Variants in ATG10 observed in about 807,000 individuals in gnomAD.
ATG10 encodes autophagy related 10.
In ATG10, 30 loss-of-function variants were observed where a neutral mutation model predicts 32.1. The observed-to-expected ratio is 0.94, with a 90% CI of 0.70 to 1.27. The LOEUF (loss-of-function observed/expected upper bound fraction) is 1.27. Ranked by LOEUF, ATG10 falls within the 50% of genes most tolerant of loss-of-function variation. The pLI is 0.00. For missense variants in ATG10, 233 were observed against 262.3 expected, an observed-to-expected ratio of 0.89 and a Z score of 0.77; for synonymous variants, 87 against 91.5, an observed-to-expected ratio of 0.95 and a Z score of 0.28.
At chr5:82,069,517 T>C (rs1764054344) in intron 3 of ATG10, among the ~76,000 whole-genome samples, 2 of 152,290 alleles carry the variant, frequency 1.3e-5, no homozygotes, top group South Asian at 4.1e-4. Context: ...TTCTGAACCC[T>C]GTGACTGGAC....
chr5:82,155,313 A>G (rs553008530), intron 3 of ATG10, among the ~76,000 whole-genome samples: 4 of 152,360 alleles, frequency 2.6e-5, no homozygotes, highest in Admixed American at 1.3e-4. Flanking sequence ...GAAAGGGGAA[A>G]GAGTTCACCA....
chr5:82,088,711 A>C (rs1764773980), intron 3 of ATG10, among the ~76,000 whole-genome samples: 1 of 152,206 alleles, frequency 6.6e-6, no homozygotes, highest in South Asian at 2.1e-4. Flanking sequence ...CACAATGTGT[A>C]AGTACTATTC....
At chr5:82,100,772 GTTTTTTTT>G (rs61096885) in intron 3 of ATG10, among the ~76,000 whole-genome samples, 2 of 113,990 alleles carry the variant, frequency 1.8e-5, no homozygotes, top group East Asian at 2.5e-4. Flanking sequence ...ACAAGAACTA[GTTTTTTTT>G]TTTTTTTTTT....
intron 2 of ATG10, among the ~76,000 whole-genome samples, chr5:82,040,093 C>G (rs1305693374): frequency 6.6e-6 from 1 of 152,168 alleles, no homozygotes; most frequent in East Asian, 1.9e-4. Context: ...CCAGAAACAT[C>G]TGGTCCTCTT....
At chr5:81,999,143 C>CAA (rs370637760) in intron 2 of ATG10, among the ~76,000 whole-genome samples, 80 of 116,552 alleles carry the variant, frequency 6.9e-4, no homozygotes, top group African/African-American at 2.3e-3. Context: ...AATCCTCAGC[C>CAA]AAAAAAAAAA....
At position 82,255,040 on chromosome 5, in the gene ATG10, A is replaced by G. The variant is rs1239594047; in HGVS notation, c.*977A>G. 2 of 152,110 alleles carry G rather than the reference A, an allele frequency of 1.3e-5. No individual in the cohort carries two copies. Among genetic ancestry groups the G allele is most frequent in the African/African-American group, 4.8e-5 (2 of 41,422 alleles). The allele number at this position is 152,110 out of a possible 1,614,324, so 9.4% of individuals were successfully genotyped here. A position where few individuals can be genotyped will look rare whatever the true frequency, so the allele number is the denominator to read the frequency against. On this transcript the variant is annotated 3_prime_UTR_variant, in exon 8 of 8. Transcript: ENST00000282185. Reference sequence around the variant, plus strand: ...GTAATTAGAAGTTTTCTAAAAAGCTATAGGAGATATTTAAACATTAAAATT... The same window carrying G: ...GTAATTAGAAGTTTTCTAAAAAGCTGTAGGAGATATTTAAACATTAAAATT...
intron 3 of ATG10, among the ~76,000 whole-genome samples, chr5:82,074,934 A>G (rs1188256554): frequency 1.3e-5 from 2 of 152,190 alleles, no homozygotes; most frequent in African/African-American, 2.4e-5. Context: ...AAGGGTTTCA[A>G]TGTAAATTGA....
chr5:82,139,747 G>A (rs1352939306), intron 3 of ATG10, among the ~76,000 whole-genome samples: 30 of 128,774 alleles, frequency 2.3e-4, no homozygotes, highest in African/African-American at 6.6e-4. Context: ...CAGCCGCCCC[G>A]TCCGGGAGGC....
intron 5 of ATG10, among the ~76,000 whole-genome samples, chr5:82,230,424 A>G (rs1342665127): frequency 1.3e-5 from 2 of 152,204 alleles, no homozygotes; most frequent in African/African-American, 4.8e-5. Context: ...TATATAGTAT[A>G]TATGCATAAT....
chr5:81,973,387 C>T (rs899419465), intron 1 of ATG10: 1 of 152,222 alleles, frequency 6.6e-6, no homozygotes, highest in African/African-American at 2.4e-5. Flanking sequence ...CTCGGCCTCC[C>T]AAAGTACTGG....
intron 3 of ATG10, chr5:82,147,040 A>G (rs1192545101): frequency 1.3e-5 from 2 of 152,596 alleles, no homozygotes; most frequent in African/African-American, 4.8e-5. Flanking sequence ...AGATTTCATT[A>G]CATTCTTCTG....
At chr5:82,051,076 T>A (rs552920807) in intron 2 of ATG10, among the ~76,000 whole-genome samples, 1 of 152,240 alleles carries the variant, frequency 6.6e-6, no homozygotes, top group Non-Finnish European at 1.5e-5. Flanking sequence ...AAAGCTCTTT[T>A]AAACTGTGCA....
At position 82,223,945 on chromosome 5, in the gene ATG10, G is replaced by A. The variant is rs147035903; in HGVS notation, c.454-28617G>A. Among the ~76,000 whole-genome samples the A allele has an allele frequency of 2.0e-5, 3 of 152,270 alleles. No individual in the cohort carries two copies. In the East Asian group the frequency reaches 5.8e-4, roughly 29 times the overall value. On this transcript the variant is annotated intron_variant, in intron 5 of 7. Coordinates refer to ENST00000282185, the MANE Select transcript of ATG10 (RefSeq NM_031482.5). ...GAGGTGAGGAAACACTAGTCATCCTGTGACTAGAGAGCAAACCAGAACAAG... is the reference window on the plus strand; with the variant it reads ...GAGGTGAGGAAACACTAGTCATCCTATGACTAGAGAGCAAACCAGAACAAG...
At chr5:82,103,219 ATGTTT>A (rs1765336570) in intron 3 of ATG10, among the ~76,000 whole-genome samples, 1 of 152,186 alleles carries the variant, frequency 6.6e-6, no homozygotes, top group Non-Finnish European at 1.5e-5. Context: ...TTTAATAAAT[ATGTTT>A]TGATCTTTTT....
intron 2 of ATG10, among the ~76,000 whole-genome samples, chr5:81,991,756 T>C (rs1761466996): frequency 6.6e-6 from 1 of 151,630 alleles, no homozygotes; most frequent in Admixed American, 6.6e-5. Context: ...GATCATACTA[T>C]TGCACTCCAG....
intron 3 of ATG10, among the ~76,000 whole-genome samples, chr5:82,100,000 GTTTTTTTTT>G (rs869311526): frequency 5.4e-4 from 32 of 58,952 alleles, no homozygotes; most frequent in African/African-American, 1.6e-3. Context: ...CTTTTTCTGT[GTTTTTTTTT>G]TTTTTTTTTT....
chr5:82,208,259 CT>C (rs58272693), intron 5 of ATG10, among the ~76,000 whole-genome samples: 77,430 of 148,620 alleles, frequency 0.52, 22,248 homozygotes, highest in African/African-American at 0.77. Context: ...CCTAACTATT[CT>C]TTTTTTTTTT....
intron 2 of ATG10, among the ~76,000 whole-genome samples, chr5:82,019,608 G>A (rs181026851): frequency 4.7e-4 from 71 of 152,282 alleles, no homozygotes; most frequent in Admixed American, 2.7e-3. Flanking sequence ...GGCAAAGGGG[G>A]AGTGCAGTGT....
intron 2 of ATG10, among the ~76,000 whole-genome samples, chr5:82,014,432 T>TAA (rs1377927529): frequency 6.6e-6 from 1 of 152,220 alleles, no homozygotes; most frequent in Admixed American, 6.5e-5. Context: ...AGTGGAGTGT[T>TAA]AAAGTCTCCC....
Sources: gnomAD v4.1 joint callset for allele counts (sites outside exome capture counted in the v4.1 genomes callset) on GRCh38, gnomAD v4.1.1 for gene constraint, MANE v1.5 for transcripts, NCBI Gene and HGNC (gene_info 2026-07-23, HGNC 2026-07-21) for gene names.